ATG3: variants seen among roughly 807,000 people sequenced by gnomAD.
ATG3 encodes ubiquitin-like-conjugating enzyme ATG3.
A neutral mutation model predicts 50.7 loss-of-function variants in ATG3; 25 were observed. The observed-to-expected ratio is 0.49, with a 90% CI of 0.36 to 0.69. The LOEUF is 0.69. Ranked by LOEUF, ATG3 falls within the 30% of genes least tolerant of loss-of-function variation. The probability of loss-of-function intolerance (pLI) is 0.00; values close to 1 mark genes in which losing one functional copy is unlikely to be tolerated. For synonymous variants in ATG3, 119 were observed against 125.5 expected, an observed-to-expected ratio of 0.95 and a Z score of 0.34; for missense variants, 281 against 376.0, an observed-to-expected ratio of 0.75 and a Z score of 2.09.
intron 4 of ATG3, among the ~76,000 whole-genome samples, chr3:112,548,876 T>G (rs960402718): frequency 6.6e-6 from 1 of 152,242 alleles, no homozygotes; most frequent in Non-Finnish European, 1.5e-5. Context: ...AAAGCTCTAT[T>G]GGGAATGTTC....
At position 112,553,269 on chromosome 3, in the gene ATG3, A is replaced by G. The variant is rs765452614; in HGVS notation, c.164+11T>C. 5 of 1,600,240 alleles carry G rather than the reference A, an allele frequency of 3.1e-6. No homozygotes were observed. The highest frequency in any genetic ancestry group is 4.3e-6 in the Non-Finnish European group (5 of 1,167,670). On this transcript the variant is annotated intron_variant, in intron 3 of 11. Coordinates refer to ENST00000283290, the MANE Select transcript of ATG3 (RefSeq NM_022488.5). Reference sequence around the variant, plus strand: ...TTACTAATTTTCTATTCTTTACTCAATATTACTTACCATTGCCATGTTGGA... The same window carrying G: ...TTACTAATTTTCTATTCTTTACTCAGTATTACTTACCATTGCCATGTTGGA...
At chr3:112,546,726 A>T (rs1208855248) in intron 5 of ATG3, among the ~76,000 whole-genome samples, 1 of 152,210 alleles carries the variant, frequency 6.6e-6, no homozygotes, top group Non-Finnish European at 1.5e-5. Flanking sequence ...AACAATGCAC[A>T]ATCAATGGAT....
intron 1 of ATG3, among the ~76,000 whole-genome samples, chr3:112,561,105 A>G (rs1394845220): frequency 6.6e-6 from 1 of 152,224 alleles, no homozygotes; most frequent in Admixed American, 6.5e-5. Context: ...AAAGAGAAGC[A>G]AAATCCTTGC....
At position 112,550,175 on chromosome 3, in the gene ATG3, T is replaced by C. The variant is rs2107383445; in HGVS notation, c.235+17A>G. On this transcript the variant is annotated intron_variant, in intron 4 of 11. Transcript: ENST00000283290. ...CCTCTACGCAAAATTTATTCATATA[T>C]GCAACATAATTCTTACCATTTTTGG... The C allele has an allele frequency of 6.3e-7, 1 of 1,581,280 alleles. No homozygotes were observed. The highest frequency in any genetic ancestry group is 8.7e-7 in the Non-Finnish European group (1 of 1,153,964).
chr3:112,561,851 G>A lies in ATG3; in HGVS notation c.-323C>T. On this transcript the variant is annotated 5_prime_UTR_variant, in exon 1 of 12. Transcript: ENST00000283290. ...AGAAGCGGACGCACACGCACCCCTC[G>A]CCCTCTGCGAGCTGTCTGTCCTCGC... 2.8e-6 allele frequency: 1 copy of A among 358,450 alleles called. No homozygotes were observed. Among genetic ancestry groups the A allele is most frequent in the Non-Finnish European group, 5.1e-6 (1 of 196,644 alleles). The allele number at this position is 358,450 out of a possible 1,614,324, so 22.2% of individuals were successfully genotyped here.
chr3:112,537,888 A>G lies in ATG3; in HGVS notation c.513T>C (p.Ala171=). Residue 171 remains alanine, a splice_region_variant and synonymous_variant, in exon 9 of 12, where the codon GCT becomes GCC. Coordinates refer to ENST00000283290, the MANE Select transcript of ATG3 (RefSeq NM_022488.5). ...CTACTATTTTCCTTGTATCTAGGGT[A>G]GCCTGAAAATAATAAAAGAGAAAAA... The part of the protein sequence containing the change: ...EESGLLETDE[A]TLDTRKIVEA... The G allele has an allele frequency of 6.3e-7, 1 of 1,596,978 alleles. No homozygotes were observed. Among genetic ancestry groups the G allele is most frequent in the Non-Finnish European group, 8.5e-7 (1 of 1,175,062 alleles).
rs191528477 is a variant in ATG3 at position 112,558,798 on chromosome 3, G to A, written c.73-381C>T. On this transcript the variant is annotated intron_variant, in intron 1 of 11. Coordinates refer to ENST00000283290, the MANE Select transcript of ATG3 (RefSeq NM_022488.5). ...GTTGCCCAGGCTGGAGTGCAGTGGC[G>A]CCATCTTGGCTCACGGCAACCTCCA... Among the ~76,000 whole-genome samples the A allele has an allele frequency of 4.0e-3, 602 of 150,880 alleles. 5 individuals carry two copies. The highest frequency in any genetic ancestry group is 0.014 in the African/African-American group (577 of 40,992).
At chr3:112,547,132 C>T (rs889455125) in intron 5 of ATG3, among the ~76,000 whole-genome samples, 1 of 152,192 alleles carries the variant, frequency 6.6e-6, no homozygotes, top group African/African-American at 2.4e-5. Context: ...CCCAACAGAA[C>T]ATTCAGCAAT....
intron 10 of ATG3, chr3:112,535,945 G>A (rs1453192547): frequency 1.3e-5 from 2 of 153,206 alleles, no homozygotes; most frequent in Non-Finnish European, 1.5e-5. Flanking sequence ...AAAAAACACT[G>A]ATACAAAGAA....
chr3:112,538,167 A>C lies in ATG3; in HGVS notation c.489T>G (p.Ser163Arg). The C allele has an allele frequency of 6.3e-7, 1 of 1,583,556 alleles. No homozygotes were observed. The highest frequency in any genetic ancestry group is 8.6e-7 in the Non-Finnish European group (1 of 1,163,550). Residue 163 changes from serine to arginine, a missense_variant, in exon 8 of 12, where the codon AGT becomes AGG. Around this residue, in one of 3 missense-constraint regions of ATG3, gnomAD observed 242 missense variants for 305.0 expected, o/e 0.79. Transcript: ENST00000283290. ...EAADMEEYEE[S>R]GLLETDEATL... ...AAACCTCATCTGTTTCCAACAATCC[A>C]CTCTCTTCATATTCTGTTATAAAAA...
intron 5 of ATG3, among the ~76,000 whole-genome samples, chr3:112,545,676 C>T (rs561913480): frequency 6.6e-6 from 1 of 152,278 alleles, no homozygotes; most frequent in African/African-American, 2.4e-5. Context: ...AAATCAACCT[C>T]TTTAATTTGT....
intron 11 of ATG3, chr3:112,533,143 T>C (rs1401188463): frequency 3.0e-6 from 3 of 994,260 alleles, no homozygotes; most frequent in Non-Finnish European, 3.6e-6. Flanking sequence ...TGAGGCAGAA[T>C]AGACTATAAT....
chr3:112,544,100 G>GT lies in ATG3; in HGVS notation c.349dup (p.Thr117AsnfsTer8). The GT allele has an allele frequency of 6.2e-7, 1 of 1,600,574 alleles. No individual in the cohort carries two copies. The highest frequency in any genetic ancestry group is 1.3e-5 in the African/African-American group (1 of 74,592). ...CTCTTTAACGGCTTCCGTTATTCCT[G>GT]TAATACCTATGTAAAATTCGGCAGA... On this transcript the variant is annotated frameshift_variant, in exon 6 of 12. Coordinates refer to ENST00000283290, the MANE Select transcript of ATG3 (RefSeq NM_022488.5). LOFTEE classifies it high-confidence loss of function.
chr3:112,540,527 G>C (rs948232718), intron 7 of ATG3, among the ~76,000 whole-genome samples: 5 of 151,870 alleles, frequency 3.3e-5, no homozygotes, highest in Admixed American at 1.3e-4. Flanking sequence ...CAAAGTACTG[G>C]ATGTAATTTA....
At chr3:112,552,470 T>C (rs780637076) in intron 3 of ATG3, among the ~76,000 whole-genome samples, 1 of 152,056 alleles carries the variant, frequency 6.6e-6, no homozygotes, top group Non-Finnish European at 1.5e-5. Context: ...ATTGGTATCA[T>C]AAACCTTTCT....
chr3:112,536,440 C>A, intron 10 of ATG3, 35 bp downstream of exon 10: 2 of 1,601,346 alleles, frequency 1.2e-6, no homozygotes, highest in Non-Finnish European at 1.7e-6. Flanking sequence ...TATACAATCA[C>A]ATCAAAAAAT....
rs758472368 is a variant in ATG3, at chr3:112,548,614, T to C, written c.262A>G (p.Met88Val). 12 of 1,613,896 alleles carry C rather than the reference T, an allele frequency of 7.4e-6. No individual in the cohort carries two copies. The highest frequency in any genetic ancestry group is 1.0e-5 in the Non-Finnish European group (12 of 1,179,982). Reference sequence around the variant, plus strand: ...GCTTCCAATTCATCTGAATATTCCATCTGTTTGCACCGCTTATAGCACGGC... The same window carrying C: ...GCTTCCAATTCATCTGAATATTCCACCTGTTTGCACCGCTTATAGCACGGC... The part of the protein sequence containing the change: ...NVPCYKRCKQ[M>V]EYSDELEAII... Residue 88 changes from methionine (M) to valine (V), a missense_variant, in exon 5 of 12, where the codon ATG (methionine) becomes GTG (valine). This residue lies in a region of ATG3 where 242 missense variants were observed against 305.0 expected (regional missense o/e 0.79). Transcript: ENST00000283290.
At chr3:112,561,002 C>T (rs1933848033) in intron 1 of ATG3, among the ~76,000 whole-genome samples, 1 of 152,206 alleles carries the variant, frequency 6.6e-6, no homozygotes, top group Non-Finnish European at 1.5e-5. Context: ...ACAACTTCCC[C>T]ACTACAGCGG....
intron 5 of ATG3, 43 bp from the exon 6 acceptor site, chr3:112,544,149 T>C: frequency 6.9e-7 from 1 of 1,451,722 alleles, no homozygotes; most frequent in South Asian, 1.2e-5. Flanking sequence ...AATTAAACTG[T>C]AAACACCCTA....
Sources: allele counts gnomAD v4.1 joint callset (sites outside exome capture counted in the v4.1 genomes callset), GRCh38; gene constraint gnomAD v4.1.1; regional missense constraint gnomAD v4.1.1; transcripts MANE v1.5; gene names NCBI Gene and HGNC (gene_info 2026-07-23, HGNC 2026-07-21).